FNIP1: variants seen among roughly 807,000 people sequenced by gnomAD.
FNIP1 encodes the protein folliculin-interacting protein 1.
A neutral mutation model predicts 124.5 loss-of-function variants in FNIP1; 40 were observed. That is an observed-to-expected ratio of 0.32 (90% CI 0.25 to 0.42). FNIP1 has a LOEUF of 0.42. Ranked by LOEUF, FNIP1 falls within the 10% of genes least tolerant of loss-of-function variation. FNIP1 has a pLI of 1.00. For missense variants in FNIP1, 1,176 were observed against 1,403.7 expected (o/e 0.84, Z 2.59); for synonymous variants, 472 against 470.6 (o/e 1.00, Z -0.04).
chr5:131,772,848 C>T (rs930514141), intron 1 of FNIP1, among the ~76,000 whole-genome samples: 2 of 152,190 alleles, frequency 1.3e-5, no homozygotes, highest in African/African-American at 4.8e-5. Context: ...TTTCTTCCCA[C>T]TCTGTCCCAT....
chr5:131,719,851 TATA>T (rs1023448868), intron 3 of FNIP1, among the ~76,000 whole-genome samples: 9 of 152,218 alleles, frequency 5.9e-5, no homozygotes, highest in African/African-American at 2.2e-4. Context: ...TCCTGTTGTA[TATA>T]AGAAGCATCC....
At chr5:131,734,983 C>T (rs918446216) in intron 2 of FNIP1, among the ~76,000 whole-genome samples, 2 of 152,196 alleles carry the variant, frequency 1.3e-5, no homozygotes, top group African/African-American at 4.8e-5. Context: ...GAATATAAAT[C>T]ATGCTGCTAT....
chr5:131,725,925 G>A (rs1006869878), intron 3 of FNIP1, among the ~76,000 whole-genome samples: 20 of 152,048 alleles, frequency 1.3e-4, no homozygotes, highest in African/African-American at 4.1e-4. Flanking sequence ...GAATTTTATC[G>A]AAGACCTTTT....
intron 1 of FNIP1, among the ~76,000 whole-genome samples, chr5:131,761,535 C>T (rs1771230732): frequency 6.6e-6 from 1 of 152,016 alleles, no homozygotes; most frequent in African/African-American, 2.4e-5. Flanking sequence ...ACAAATAAAA[C>T]ATCTAGGAAC....
At chr5:131,668,475 C>T (rs537909980) in intron 15 of FNIP1, among the ~76,000 whole-genome samples, 4 of 152,206 alleles carry the variant, frequency 2.6e-5, no homozygotes, top group Middle Eastern at 3.4e-3. Context: ...CACCTGAGGT[C>T]GGAGTTCCAG....
At chr5:131,694,856 G>A (rs1204428203) in intron 11 of FNIP1, among the ~76,000 whole-genome samples, 1 of 152,032 alleles carries the variant, frequency 6.6e-6, no homozygotes, top group African/African-American at 2.4e-5. Flanking sequence ...TGTAATCCCA[G>A]CACTTTGGGA....
intron 1 of FNIP1, among the ~76,000 whole-genome samples, chr5:131,780,552 G>T (rs1425089658): frequency 6.6e-6 from 1 of 151,558 alleles, no homozygotes; most frequent in African/African-American, 2.4e-5. Flanking sequence ...AACAGAACAT[G>T]CCACTTTTTG....
In FNIP1 at chr5:131,679,072, T is replaced by A. The variant is rs1393856247; in HGVS notation, c.1306A>T (p.Met436Leu). The change falls in exon 12 of 18, where the codon ATG (methionine) becomes TTG (leucine). Residue 436 changes from methionine (M) to leucine (L), a missense_variant. Met to Leu is a conservative substitution (Grantham distance 15). Transcript: ENST00000510461. ...PEKNHLCYRF[M>L]KEFTFLMENA... ...TCCATTAGAAAGGTGAACTCCTTCATGAAACGATAGCAAAGGTGGTTCTTT... is the reference window on the plus strand; with the variant it reads ...TCCATTAGAAAGGTGAACTCCTTCAAGAAACGATAGCAAAGGTGGTTCTTT... The A allele has an allele frequency of 2.5e-6, 4 of 1,612,680 alleles. No individual in the cohort carries two copies. The highest frequency in any genetic ancestry group is 3.4e-6 in the Non-Finnish European group (4 of 1,179,482).
At chr5:131,760,157 A>C (rs1158343858) in intron 1 of FNIP1, among the ~76,000 whole-genome samples, 1 of 152,192 alleles carries the variant, frequency 6.6e-6, no homozygotes, top group Admixed American at 6.5e-5. Flanking sequence ...GGGTGATGGA[A>C]TCCATACCCC....
chr5:131,647,233 G>C (rs944426913), intron 16 of FNIP1, 28 bp from the exon 17 acceptor site: 3 of 1,571,396 alleles, frequency 1.9e-6, no homozygotes, highest in East Asian at 2.2e-5. Flanking sequence ...CCAAGAACCA[G>C]GTCAGAAAAC....
intron 15 of FNIP1, among the ~76,000 whole-genome samples, chr5:131,663,703 T>C (rs935081383): frequency 1.3e-5 from 2 of 152,216 alleles, no homozygotes; most frequent in Admixed American, 1.3e-4. Context: ...CCTGGAGACA[T>C]ATGGAGTTAG....
At position 131,673,054 on chromosome 5, in the gene FNIP1, T is replaced by G. The variant is rs572021776; in HGVS notation, c.1520-130A>C. The stretch of plus-strand genomic sequence containing the variant: ...TTTAGGTTTTACTCGTTTTTTTGTT[T>G]TTTTTTTTTTTGAGACAGGGTCTCA... On this transcript the variant is annotated intron_variant, in intron 13 of 17. Transcript: ENST00000510461. 137 of 626,822 alleles carry G rather than the reference T, an allele frequency of 2.2e-4. 1 individual carries two copies. The highest frequency in any genetic ancestry group is 2.8e-4 in the African/African-American group (15 of 52,948). The allele number at this position is 626,822 out of a possible 1,614,324, so 38.8% of individuals were successfully genotyped here.
intron 4 of FNIP1, 115 bp downstream of exon 4, chr5:131,719,202 T>C (rs2149542373): frequency 3.5e-6 from 4 of 1,157,624 alleles, no homozygotes; most frequent in Non-Finnish European, 3.7e-6. Flanking sequence ...CCATAGAACA[T>C]GTTAAATGGA....
At chr5:131,698,158 C>T (rs2149529510) in intron 11 of FNIP1, among the ~76,000 whole-genome samples, 1 of 152,088 alleles carries the variant, frequency 6.6e-6, no homozygotes, top group South Asian at 2.1e-4. Context: ...AATGCACTTG[C>T]CCAAGATCAC....
intron 11 of FNIP1, among the ~76,000 whole-genome samples, chr5:131,694,917 C>A (rs569264359): frequency 6.6e-6 from 1 of 152,020 alleles, no homozygotes; most frequent in South Asian, 2.1e-4. Context: ...CCAGTCTGGC[C>A]AACATAGTGA....
intron 3 of FNIP1, among the ~76,000 whole-genome samples, chr5:131,729,588 T>A (rs1770006643): frequency 6.6e-6 from 1 of 151,976 alleles, no homozygotes; most frequent in South Asian, 2.1e-4. Context: ...TATATACATA[T>A]TTTTTTTGAG....
chr5:131,767,299 T>C (rs1337757491), intron 1 of FNIP1, among the ~76,000 whole-genome samples: 1 of 151,188 alleles, frequency 6.6e-6, no homozygotes, highest in African/African-American at 2.4e-5. Context: ...GGGCATGGTG[T>C]GCACCTGTAG....
chr5:131,656,562 T>G (rs79647293), intron 15 of FNIP1, among the ~76,000 whole-genome samples: 2,750 of 152,306 alleles, frequency 0.018, 98 homozygotes, highest in African/African-American at 0.062. Context: ...GTAAAGGATC[T>G]AAAGCTGGAG....
intron 6 of FNIP1, among the ~76,000 whole-genome samples, chr5:131,716,093 T>C (rs1034961876): frequency 5.9e-5 from 9 of 152,204 alleles, no homozygotes; most frequent in African/African-American, 2.2e-4. Context: ...AAATTGTTAT[T>C]CTAATAAATC....
Sources: allele counts gnomAD v4.1 joint callset (sites outside exome capture counted in the v4.1 genomes callset), GRCh38; gene constraint gnomAD v4.1.1; transcripts MANE v1.5; gene names NCBI Gene and HGNC (gene_info 2026-07-23, HGNC 2026-07-21).